Variants in PPY observed in about 807,000 individuals in gnomAD.
PPY encodes the protein pancreatic polypeptide.
A neutral mutation model predicts 9.3 loss-of-function variants in PPY; 6 were observed. That is an observed-to-expected ratio of 0.64 (90% confidence interval 0.35 to 1.27). PPY has a LOEUF of 1.27. Ranked by LOEUF, PPY falls within the 50% of genes most tolerant of loss-of-function variation. PPY has a pLI of 0.03. For missense variants in PPY, 109 were observed against 119.1 expected (o/e 0.91, Z 0.40); for synonymous variants, 58 against 54.6 (o/e 1.06, Z -0.27).
In PPY at chr17:43,941,464, C is replaced by G; in HGVS notation, c.191G>C (p.Arg64Thr). 6.2e-7 allele frequency: 1 copy of G among 1,613,856 alleles called. No individual in the cohort carries two copies. Among genetic ancestry groups the G allele is most frequent in the Middle Eastern group, 1.7e-4 (1 of 5,856 alleles). ...CTCTCTCCCCAACTGTGGCACACAC[C>G]TAGGCCTGGTCAGCATGTTGATGTA... ...RRYINMLTRP[R>T]YGKRHKEDTL... The change falls in exon 2 of 4, where the codon AGG becomes ACG. Residue 64 changes from arginine (R) to threonine (T), a missense_variant and splice_region_variant. By Grantham distance (71) the Arg-to-Thr change is moderately conservative. Coordinates refer to ENST00000225992, the MANE Select transcript of PPY (RefSeq NM_002722.5).
At chr17:43,941,310 T>C in intron 2 of PPY, 96 bp from the exon 3 acceptor site, 3 of 1,501,504 alleles carry the variant, frequency 2.0e-6, no homozygotes, top group Non-Finnish European at 2.7e-6. Context: ...CCAGGGCACA[T>C]TGGTCTAGGC....
At chr17:43,943,076 A>T (rs2048588715), upstream of PPY, among the ~76,000 whole-genome samples, 1 of 152,062 alleles carries the variant, frequency 6.6e-6, no homozygotes, top group Non-Finnish European at 1.5e-5. Context: ...GCAGAATGAG[A>T]ACTCATGTGC....
intron 1 of PPY, among the ~76,000 whole-genome samples, 199 bp from the exon 2 acceptor site, chr17:43,941,853 T>C (rs1567921536): frequency 6.6e-6 from 1 of 152,318 alleles, no homozygotes; most frequent in East Asian, 1.9e-4. Context: ...CAGCCTGTCC[T>C]GTGAGCAGCC....
chr17:43,941,691 C>A, intron 1 of PPY, 37 bp from the exon 2 acceptor site: 1 of 1,547,442 alleles, frequency 6.5e-7, no homozygotes, highest in South Asian at 1.2e-5. Context: ...AGAGCCCGGG[C>A]TGCAGATTTT....
chr17:43,943,392 G>T (rs1002305659), upstream of PPY, among the ~76,000 whole-genome samples: 19 of 152,052 alleles, frequency 1.2e-4, no homozygotes, highest in Admixed American at 1.3e-4. Context: ...TCAAAGTATT[G>T]TTATAATTTC....
Position 43,940,816 on chromosome 17 carries a change from GC to G in PPY, c.*111del. ...ACAGGACAGGCTGTGGCTTTGACTT[GC>G]TTTATTGAGCCTGTGTGGGAGCAGG... On this transcript the variant is annotated 3_prime_UTR_variant, in exon 4 of 4. Coordinates refer to ENST00000225992, the MANE Select transcript of PPY (RefSeq NM_002722.5). The G allele has an allele frequency of 7.0e-7, 1 of 1,434,664 alleles. No homozygotes were observed. The allele number at this position is 1,434,664 out of a possible 1,614,324, so 88.9% of individuals were successfully genotyped here. A position where few individuals can be genotyped will look rare whatever the true frequency, so the allele number is the denominator to read the frequency against.
At position 43,940,907 on chromosome 17, in the gene PPY, C is replaced by T. The variant is rs751780105; in HGVS notation, c.*21G>A. 5.6e-6 allele frequency: 9 copies of T among 1,602,150 alleles called. No homozygotes were observed. The East Asian group carries it at 9.0e-5, about 16-fold the overall frequency. On this transcript the variant is annotated 3_prime_UTR_variant, in exon 4 of 4. Coordinates refer to ENST00000225992, the MANE Select transcript of PPY (RefSeq NM_002722.5). ...GCTGGGCTGGCGCTGCTCATGGAGT[C>T]GTAGGAGACAGAAGGTGGCATTATA...
intron 3 of PPY, 51 bp downstream of exon 3, chr17:43,941,092 C>T (rs1480213920): frequency 6.5e-7 from 1 of 1,548,136 alleles, no homozygotes; most frequent in East Asian, 2.4e-5. Context: ...TCCCACCACC[C>T]CCATTTCAGC....
At chr17:43,943,351 C>T (rs1261644585), upstream of PPY, among the ~76,000 whole-genome samples, 2 of 152,132 alleles carry the variant, frequency 1.3e-5, no homozygotes, top group Non-Finnish European at 2.9e-5. Flanking sequence ...TAACTCCAAA[C>T]CTGGACTGTT....
chr17:43,941,487 G>C lies in PPY; in HGVS notation c.168C>G (p.Tyr56Ter). ...ACCTAGGCCTGGTCAGCATGTTGATGTATCTACGGAGATCAGCTGCATACT... is the reference window on the plus strand; with the variant it reads ...ACCTAGGCCTGGTCAGCATGTTGATCTATCTACGGAGATCAGCTGCATACT... ...MAQYAADLRR[Y>*]INMLTRPRYG... is the part of the protein sequence containing the mutation. Residue 56 changes from tyrosine to a stop codon, truncating the protein, a stop_gained, in exon 2 of 4, where the codon TAC becomes TAG. Coordinates refer to ENST00000225992, the MANE Select transcript of PPY (RefSeq NM_002722.5). LOFTEE classifies it high-confidence loss of function. 6.2e-7 allele frequency: 1 copy of C among 1,613,982 alleles called. No homozygotes were observed. Among genetic ancestry groups the C allele is most frequent in the South Asian group, 1.1e-5 (1 of 91,070 alleles).
chr17:43,941,093 C>T (rs1189725897), intron 3 of PPY, 50 bp downstream of exon 3: 2 of 1,548,400 alleles, frequency 1.3e-6, no homozygotes, highest in Non-Finnish European at 1.7e-6. Flanking sequence ...CCCACCACCC[C>T]CATTTCAGCT....
chr17:43,943,396 T>A (rs1474785045), upstream of PPY, among the ~76,000 whole-genome samples: 2 of 152,150 alleles, frequency 1.3e-5, no homozygotes, highest in African/African-American at 4.8e-5. Context: ...AGTATTGTTA[T>A]AATTTCCCAC....
rs758358978 is a variant in PPY, at chr17:43,941,552, C to G, written c.103G>C (p.Val35Leu). The part of the protein sequence containing the change: ...LGAQGAPLEP[V>L]YPGDNATPEQ... The stretch of plus-strand genomic sequence containing the variant: ...GGTGTGGCATTGTCCCCTGGGTACA[C>G]TGGCTCCAGTGGGGCTCCCTGGGCA... Residue 35 changes from valine to leucine, a missense_variant, in exon 2 of 4, where the codon GTG becomes CTG. Val to Leu is a conservative substitution (Grantham distance 32). Transcript: ENST00000225992. 8.1e-6 allele frequency: 13 copies of G among 1,614,046 alleles called. No individual in the cohort carries two copies. The highest frequency in any genetic ancestry group is 1.0e-5 in the Non-Finnish European group (12 of 1,180,026).
At chr17:43,944,004 A>G (rs2048594024), upstream of PPY, among the ~76,000 whole-genome samples, 1 of 152,198 alleles carries the variant, frequency 6.6e-6, no homozygotes, top group Admixed American at 6.5e-5. Context: ...TTCACCAGAC[A>G]ACTTACATTC....
chr17:43,941,269 G>A, intron 2 of PPY, 55 bp from the exon 3 acceptor site: 1 of 1,536,950 alleles, frequency 6.5e-7, no homozygotes, highest in Non-Finnish European at 8.8e-7. Context: ...CAGCCCACCT[G>A]TTTCATATCT....
Position 43,941,649 on chromosome 17 carries a change from A to C in PPY, c.6T>G (p.Ala2=), listed in dbSNP as rs1203618864. Residue 2 remains alanine, a synonymous_variant, in exon 2 of 4, where the codon GCT becomes GCG. Coordinates refer to ENST00000225992, the MANE Select transcript of PPY (RefSeq NM_002722.5). ...GCAGGGAGAGGCAGAGGCGTGCGGC[A>C]GCCATCTGAGGAGCAAGCAGAGGGG... The part of the protein sequence containing the change: M[A]AARLCLSLLL... The C allele has an allele frequency of 1.2e-6, 2 of 1,602,758 alleles. No individual in the cohort carries two copies. The highest frequency in any genetic ancestry group is 2.7e-5 in the African/African-American group (2 of 74,804).
At position 43,941,170 on chromosome 17, in the gene PPY, C is replaced by T; in HGVS notation, c.236G>A (p.Trp79Ter). 1.3e-6 allele frequency: 2 copies of T among 1,551,722 alleles called. No homozygotes were observed. Among genetic ancestry groups the T allele is most frequent in the Non-Finnish European group, 1.7e-6 (2 of 1,147,008 alleles). The change falls in exon 3 of 4, where the codon TGG becomes TAG. Residue 79 changes from tryptophan (W) to a stop codon, truncating the protein, a stop_gained. Transcript: ENST00000225992. LOFTEE classifies it low-confidence loss of function (END_TRUNC). The part of the protein sequence containing the change: ...HKEDTLAFSE[W>*]GSPHAAVPRE... Reference sequence around the variant, plus strand: ...GGGGACAGCAGCATGCGGGGACCCCCACTCCGAGAAGGCCAGCGTGTCCTC... The same window carrying T: ...GGGGACAGCAGCATGCGGGGACCCCTACTCCGAGAAGGCCAGCGTGTCCTC...
intron 3 of PPY, 82 bp from the exon 4 acceptor site, chr17:43,941,034 GT>G: frequency 6.4e-7 from 1 of 1,552,690 alleles, no homozygotes; most frequent in Non-Finnish European, 8.7e-7. Flanking sequence ...CTGGGCTCCT[GT>G]TCTCCCTCTT....
At chr17:43,941,932 C>G (rs1255718930) in intron 1 of PPY, among the ~76,000 whole-genome samples, 1 of 152,196 alleles carries the variant, frequency 6.6e-6, no homozygotes. Context: ...CCTGGAGACA[C>G]GGGACTCATG....
Sources: allele counts gnomAD v4.1 joint callset (sites outside exome capture counted in the v4.1 genomes callset), GRCh38; gene constraint gnomAD v4.1.1; transcripts MANE v1.5; gene names NCBI Gene and HGNC (gene_info 2026-07-23, HGNC 2026-07-21).